The following PCDH9 variants were observed in gnomAD, a reference collection of about 807,000 sequenced individuals.
PCDH9 encodes protocadherin-9.
PCDH9 carries 24 observed loss-of-function variants against 70.6 expected under a neutral mutation model. That is an observed-to-expected ratio of 0.34 (90% confidence interval 0.25 to 0.48). The LOEUF (loss-of-function observed/expected upper bound fraction) is 0.48. PCDH9 is among the 20% of genes least tolerant of loss of function. PCDH9 has a pLI of 0.99. For missense variants in PCDH9, 1,281 were observed against 1,503.6 expected (o/e 0.85, Z 2.45); for synonymous variants, 562 against 558.5 (o/e 1.01, Z -0.09).
chr13:66,561,344 A>C (rs945917612), intron 4 of PCDH9, among the ~76,000 whole-genome samples: 1 of 152,076 alleles, frequency 6.6e-6, no homozygotes, highest in African/African-American at 2.4e-5. Flanking sequence ...AGCCTCCCGG[A>C]GGAGTGCCGC....
intron 3 of PCDH9, among the ~76,000 whole-genome samples, chr13:66,827,199 C>T (rs542833833): frequency 6.6e-6 from 1 of 151,978 alleles, no homozygotes; most frequent in South Asian, 2.1e-4. Flanking sequence ...CCCATAACCC[C>T]CAGCAGGGCC....
intron 2 of PCDH9, among the ~76,000 whole-genome samples, chr13:67,093,851 T>C (rs935068753): frequency 1.1e-4 from 16 of 152,272 alleles, no homozygotes; most frequent in African/African-American, 3.8e-4. Context: ...CAAGTTCCAA[T>C]ATTATTTATC....
intron 2 of PCDH9, among the ~76,000 whole-genome samples, chr13:66,933,640 CCT>C (rs1363521971): frequency 6.6e-6 from 1 of 152,070 alleles, no homozygotes; most frequent in Non-Finnish European, 1.5e-5. Context: ...TTTAGTTGTT[CCT>C]TTTTCTGTCA....
chr13:66,511,523 G>T (rs1959471971), intron 4 of PCDH9, among the ~76,000 whole-genome samples: 1 of 151,982 alleles, frequency 6.6e-6, no homozygotes, highest in Non-Finnish European at 1.5e-5. Context: ...TGGTAGTGGT[G>T]CTATCAATTG....
At chr13:66,779,490 A>G (rs555796058) in intron 3 of PCDH9, among the ~76,000 whole-genome samples, 1 of 152,302 alleles carries the variant, frequency 6.6e-6, no homozygotes, top group Non-Finnish European at 1.5e-5. Flanking sequence ...CAGACAAAAA[A>G]TATATTGCAC....
At chr13:66,730,795 C>T (rs2079062487) in intron 3 of PCDH9, among the ~76,000 whole-genome samples, 1 of 151,076 alleles carries the variant, frequency 6.6e-6, no homozygotes, top group Admixed American at 6.6e-5. Flanking sequence ...CCTCCTGCCT[C>T]AGCCTCCTGA....
intron 2 of PCDH9, among the ~76,000 whole-genome samples, chr13:66,971,469 A>T (rs531218522): frequency 1.3e-5 from 2 of 152,234 alleles, no homozygotes; most frequent in East Asian, 3.9e-4. Context: ...GAATGCATGA[A>T]AAAGTTTATA....
chr13:66,842,539 A>G (rs2081134120), intron 3 of PCDH9, among the ~76,000 whole-genome samples: 1 of 152,114 alleles, frequency 6.6e-6, no homozygotes, highest in South Asian at 2.1e-4. Flanking sequence ...TTAGCCCCCA[A>G]AATTCTGTGT....
chr13:66,417,172 C>G (rs1957475992), intron 4 of PCDH9, among the ~76,000 whole-genome samples: 1 of 152,070 alleles, frequency 6.6e-6, no homozygotes, highest in African/African-American at 2.4e-5. Flanking sequence ...GCTATTCCTC[C>G]CCCTTACCCA....
At chr13:66,721,485 T>C (rs2078940878) in intron 3 of PCDH9, among the ~76,000 whole-genome samples, 1 of 152,204 alleles carries the variant, frequency 6.6e-6, no homozygotes, top group African/African-American at 2.4e-5. Flanking sequence ...CTTTGAAAGG[T>C]GCTAAATTAT....
At chr13:66,921,439 T>A (rs568632455) in intron 2 of PCDH9, among the ~76,000 whole-genome samples, 1 of 151,338 alleles carries the variant, frequency 6.6e-6, no homozygotes, top group African/African-American at 2.4e-5. Context: ...TGTTGCCTTA[T>A]CCAGTTGACA....
intron 3 of PCDH9, among the ~76,000 whole-genome samples, chr13:66,800,846 C>T (rs1419311739): frequency 6.6e-6 from 1 of 152,024 alleles, no homozygotes; most frequent in Non-Finnish European, 1.5e-5. Context: ...GATAATAATG[C>T]TACCTATATT....
At chr13:66,687,387 T>C (rs1218748147) in intron 3 of PCDH9, among the ~76,000 whole-genome samples, 2 of 152,122 alleles carry the variant, frequency 1.3e-5, no homozygotes, top group Non-Finnish European at 2.9e-5. Context: ...TTTCAGTTTG[T>C]GTCACAGTAT....
chr13:66,619,217 A>G (rs2077393762), intron 4 of PCDH9, among the ~76,000 whole-genome samples: 1 of 152,156 alleles, frequency 6.6e-6, no homozygotes, highest in African/African-American at 2.4e-5. Context: ...GTGTACGGTG[A>G]AAAGTTAATA....
intron 3 of PCDH9, among the ~76,000 whole-genome samples, chr13:66,897,856 T>C (rs924359868): frequency 1.3e-5 from 2 of 152,118 alleles, no homozygotes; most frequent in African/African-American, 4.8e-5. Context: ...CTAAATGCTA[T>C]TTGGAATTGT....
chr13:67,189,463 T>C (rs2088851875), intron 2 of PCDH9, among the ~76,000 whole-genome samples: 1 of 152,096 alleles, frequency 6.6e-6, no homozygotes, highest in Admixed American at 6.6e-5. Flanking sequence ...ATATTTTTCT[T>C]ATACCATTTA....
intron 3 of PCDH9, among the ~76,000 whole-genome samples, chr13:66,660,510 A>T (rs2077994139): frequency 6.6e-6 from 1 of 152,226 alleles, no homozygotes; most frequent in Non-Finnish European, 1.5e-5. Flanking sequence ...TACAATGTTA[A>T]TAATCTTATT....
In PCDH9 at chr13:66,509,467, G is replaced by A. The variant is rs118076816; in HGVS notation, c.3340+121743C>T. On this transcript the variant is annotated intron_variant, in intron 4 of 4. Transcript: ENST00000377865. ...TGCAAACTCAGAAATAACTAAATGA[G>A]CTTGACACATCCCACTGATCAACTT... 7.0e-3 allele frequency among the ~76,000 whole-genome samples: 1,066 copies of A among 152,200 alleles called. 34 individuals carry two copies. In the East Asian group the frequency reaches 0.091, roughly 13 times the overall value.
chr13:66,885,518 ATAATT>A (rs1321440664), intron 3 of PCDH9, among the ~76,000 whole-genome samples: 1 of 152,174 alleles, frequency 6.6e-6, no homozygotes, highest in Non-Finnish European at 1.5e-5. Flanking sequence ...ATATAAAACA[ATAATT>A]TATATTATAG....
Sources: gnomAD v4.1 joint callset for allele counts (sites outside exome capture counted in the v4.1 genomes callset) on GRCh38, gnomAD v4.1.1 for gene constraint, MANE v1.5 for transcripts, NCBI Gene and HGNC (gene_info 2026-07-23, HGNC 2026-07-21) for gene names.